The following DAAM1 variants were observed in gnomAD, a reference collection of about 807,000 sequenced individuals.
DAAM1 encodes disheveled-associated activator of morphogenesis 1.
In DAAM1, 52 loss-of-function variants were observed where a neutral mutation model predicts 130.0. The ratio of observed to expected loss-of-function variants is 0.40; its 90% confidence interval spans 0.32 to 0.50. DAAM1 has a LOEUF of 0.50. Among genes scored for constraint, DAAM1 ranks in the 20% least tolerant of loss-of-function variants. The pLI is 0.61. For synonymous variants in DAAM1, 452 were observed against 444.5 expected (o/e 1.02, Z -0.21); for missense variants, 1,134 against 1,303.8 (o/e 0.87, Z 2.01).
intron 20 of DAAM1, among the ~76,000 whole-genome samples, chr14:59,358,954 CACTCCACTCCACCCA>C (rs2033634952): frequency 6.6e-6 from 1 of 152,132 alleles, no homozygotes; most frequent in African/African-American, 2.4e-5. Flanking sequence ...CACCCCACCC[CACTCCACTCCACCCA>C]AGCCTACTAG....
intron 1 of DAAM1, among the ~76,000 whole-genome samples, chr14:59,235,932 C>A (rs1047345449): frequency 1.3e-5 from 2 of 152,054 alleles, no homozygotes; most frequent in Non-Finnish European, 2.9e-5. Context: ...CGGAGACAGA[C>A]CTCACTTCGT....
intron 1 of DAAM1, among the ~76,000 whole-genome samples, chr14:59,238,315 A>AACGTCTG (rs1889366921): frequency 6.6e-6 from 1 of 152,156 alleles, no homozygotes; most frequent in East Asian, 1.9e-4. Flanking sequence ...TTTCAAAAAA[A>AACGTCTG]ACGTCTGAGA....
intron 3 of DAAM1, among the ~76,000 whole-genome samples, chr14:59,303,480 G>T (rs547421469): frequency 8.5e-4 from 129 of 152,272 alleles, no homozygotes; most frequent in African/African-American, 3.1e-3. Context: ...CCTGGTTAGC[G>T]ATGGAGTACT....
rs1885210008 is a variant in DAAM1 at position 59,326,501 on chromosome 14, C to T, written c.1175-9C>T. On this transcript the variant is annotated splice_polypyrimidine_tract_variant and intron_variant, in intron 10 of 24. Transcript: ENST00000360909. ...GAAGATTTTTTTTCACTATTCTTTT[C>T]TTTTTTAGACAAGAGGAGTGGCAAC... 1 of 1,558,986 alleles carries T rather than the reference C, an allele frequency of 6.4e-7. No homozygotes were observed. Among genetic ancestry groups the T allele is most frequent in the South Asian group, 1.2e-5 (1 of 80,984 alleles).
intron 16 of DAAM1, 56 bp from the exon 17 acceptor site, chr14:59,347,483 T>C: frequency 2.0e-6 from 3 of 1,514,308 alleles, no homozygotes; most frequent in East Asian, 2.4e-5. Context: ...AAGTGAATTA[T>C]GTTAAATTTT....
chr14:59,326,510 A>T lies in DAAM1; in HGVS notation c.1175A>T (p.Tyr392Phe). ...TTTTCACTATTCTTTTCTTTTTTAG[A>T]CAAGAGGAGTGGCAACACTGTTCAG... Reference protein sequence around the residue: ...SILHHCLQMPYKRSGNTVQYW... With the variant: ...SILHHCLQMPFKRSGNTVQYW... Residue 392 changes from tyrosine (Y) to phenylalanine (F), a missense_variant and splice_region_variant, in exon 11 of 25, where the codon TAC becomes TTC. Physicochemically the swap from Tyr to Phe is conservative, Grantham distance 22 (BLOSUM62 3). Transcript: ENST00000360909. 6.4e-7 allele frequency: 1 copy of T among 1,568,766 alleles called. No homozygotes were observed. The highest frequency in any genetic ancestry group is 8.6e-7 in the Non-Finnish European group (1 of 1,160,500).
intron 15 of DAAM1, among the ~76,000 whole-genome samples, chr14:59,335,258 G>A (rs1445960250): frequency 1.3e-5 from 2 of 152,114 alleles, no homozygotes; most frequent in Admixed American, 6.6e-5. Flanking sequence ...TATCAAAGGT[G>A]TGCAGAGCTG....
intron 2 of DAAM1, among the ~76,000 whole-genome samples, chr14:59,282,250 G>A (rs1883254951): frequency 6.6e-6 from 1 of 152,082 alleles, no homozygotes; most frequent in African/African-American, 2.4e-5. Context: ...TCATTCTTGA[G>A]TTAGTGTGAC....
At chr14:59,220,586 C>T (rs1034820857) in intron 1 of DAAM1, among the ~76,000 whole-genome samples, 18 of 152,034 alleles carry the variant, frequency 1.2e-4, no homozygotes, top group Non-Finnish European at 2.6e-4. Context: ...GTAGGAAGGC[C>T]AAGGAGTCCC....
In DAAM1 at chr14:59,347,517, TAAC is replaced by T; in HGVS notation, c.2076-19_2076-17del. 6.2e-7 allele frequency: 1 copy of T among 1,607,760 alleles called. No homozygotes were observed. Among genetic ancestry groups the T allele is most frequent in the Non-Finnish European group, 8.5e-7 (1 of 1,175,868 alleles). ...TTAATACTCAAACCAATATGGTTAA[TAAC>T]AAAATATTCTTTCTCCAGGTTGAAA... On this transcript the variant is annotated intron_variant, in intron 16 of 24. Coordinates refer to ENST00000360909, the MANE Select transcript of DAAM1 (RefSeq NM_001270520.2).
intron 12 of DAAM1, among the ~76,000 whole-genome samples, chr14:59,329,235 G>A (rs1885328546): frequency 1.3e-5 from 2 of 152,216 alleles, no homozygotes. Context: ...CTGAGACACA[G>A]CCAGCTTCAT....
intron 12 of DAAM1, among the ~76,000 whole-genome samples, chr14:59,330,089 CTCTTTG>C (rs1404763422): frequency 6.6e-6 from 1 of 152,222 alleles, no homozygotes; most frequent in African/African-American, 2.4e-5. Context: ...AGCTGAACTA[CTCTTTG>C]TCTCACTTCT....
chr14:59,241,832 A>G (rs990926687), intron 1 of DAAM1, among the ~76,000 whole-genome samples: 1 of 152,242 alleles, frequency 6.6e-6, no homozygotes, highest in East Asian at 1.9e-4. Context: ...CTTTTATACT[A>G]ATCCTAGATC....
At chr14:59,306,430 T>A (rs1884384096) in intron 3 of DAAM1, among the ~76,000 whole-genome samples, 3 of 152,216 alleles carry the variant, frequency 2.0e-5, no homozygotes, top group South Asian at 2.1e-4. Flanking sequence ...ATTGTAGATA[T>A]GAGCTTAGTG....
At chr14:59,220,591 A>T (rs1321369639) in intron 1 of DAAM1, among the ~76,000 whole-genome samples, 1 of 152,118 alleles carries the variant, frequency 6.6e-6, no homozygotes, top group Non-Finnish European at 1.5e-5. Context: ...AAGGCCAAGG[A>T]GTCCCGCCAT....
intron 1 of DAAM1, among the ~76,000 whole-genome samples, chr14:59,256,676 T>C (rs959984695): frequency 1.3e-5 from 2 of 152,182 alleles, no homozygotes; most frequent in African/African-American, 4.8e-5. Context: ...GCTGATCTGA[T>C]TAAAAAGAGA....
chr14:59,332,097 G>A (rs1885466436), intron 15 of DAAM1, among the ~76,000 whole-genome samples, 177 bp downstream of exon 15: 1 of 152,162 alleles, frequency 6.6e-6, no homozygotes, highest in Non-Finnish European at 1.5e-5. Flanking sequence ...GTGAACAGTC[G>A]AAGATATATA....
At chr14:59,199,970 T>G (rs567219064) in intron 1 of DAAM1, among the ~76,000 whole-genome samples, 68 of 152,186 alleles carry the variant, frequency 4.5e-4, no homozygotes, top group South Asian at 1.0e-3. Flanking sequence ...TCTGAAGACT[T>G]TAATCATTGA....
At chr14:59,204,749 G>A (rs1888209221) in intron 1 of DAAM1, among the ~76,000 whole-genome samples, 1 of 152,174 alleles carries the variant, frequency 6.6e-6, no homozygotes, top group African/African-American at 2.4e-5. Context: ...TCATCAGAAT[G>A]GGGCTGGTGC....
Sources: gnomAD v4.1 joint callset for allele counts (sites outside exome capture counted in the v4.1 genomes callset) on GRCh38, gnomAD v4.1.1 for gene constraint, MANE v1.5 for transcripts, NCBI Gene and HGNC (gene_info 2026-07-23, HGNC 2026-07-21) for gene names.